PICALM: variants seen among roughly 807,000 people sequenced by gnomAD.
PICALM encodes phosphatidylinositol-binding clathrin assembly protein.
Under a neutral mutation model 80.5 loss-of-function variants are expected in PICALM, and 40 were observed. That is an observed-to-expected ratio of 0.50 (90% CI 0.39 to 0.65). The LOEUF is 0.65. Among genes scored for constraint, PICALM ranks in the 30% least tolerant of loss-of-function variants. The probability of loss-of-function intolerance (pLI) is 0.00; values close to 1 mark genes in which losing one functional copy is unlikely to be tolerated. For missense variants in PICALM, 676 were observed against 778.9 expected (o/e 0.87, Z 1.57); for synonymous variants, 288 against 260.3 (o/e 1.11, Z -1.02).
chr11:86,033,247 T>C (rs1488085459), intron 1 of PICALM, among the ~76,000 whole-genome samples: 3 of 150,310 alleles, frequency 2.0e-5, no homozygotes, highest in Non-Finnish European at 4.4e-5. Flanking sequence ...CACAATTTAA[T>C]ACTATATAGT....
chr11:85,990,008 C>CAAA (rs5793177), intron 13 of PICALM, among the ~76,000 whole-genome samples: 2,499 of 89,148 alleles, frequency 0.028, 96 homozygotes, highest in African/African-American at 0.059. Context: ...AACCAAACAC[C>CAAA]AAAAAAAAAA....
chr11:86,006,546 C>CT lies in PICALM; in HGVS notation c.807+995dup, dbSNP rs2095280900. On this transcript the variant is annotated intron_variant, in intron 8 of 19. Coordinates refer to ENST00000393346, the MANE Select transcript of PICALM (RefSeq NM_007166.4). ...CCTGTAATCCCAGCTACTTGGGAGG[C>CT]TGAGGTGGGAGAATCGCTTGAACCC... Among the ~76,000 whole-genome samples the CT allele has an allele frequency of 7.2e-5, 11 of 152,228 alleles. No individual in the cohort carries two copies. The South Asian group carries it at 2.3e-3, about 32-fold the overall frequency.
At chr11:86,023,038 A>G (rs1057488055) in intron 3 of PICALM, among the ~76,000 whole-genome samples, 1 of 152,188 alleles carries the variant, frequency 6.6e-6, no homozygotes, top group Admixed American at 6.5e-5. Flanking sequence ...TGAATACATA[A>G]ATCATTCTAA....
chr11:85,997,273 T>C (rs1300027040), intron 11 of PICALM, among the ~76,000 whole-genome samples: 1 of 152,212 alleles, frequency 6.6e-6, no homozygotes, highest in African/African-American at 2.4e-5. Context: ...TTAATATTTT[T>C]AATAAAACTC....
intron 1 of PICALM, among the ~76,000 whole-genome samples, chr11:86,055,318 A>C (rs1280465788): frequency 6.7e-6 from 1 of 150,270 alleles, no homozygotes; most frequent in Non-Finnish European, 1.5e-5. Context: ...CAAGAGCAAA[A>C]CTCCGTCTCA....
At chr11:86,038,251 C>A (rs2095877772) in intron 1 of PICALM, among the ~76,000 whole-genome samples, 1 of 151,696 alleles carries the variant, frequency 6.6e-6, no homozygotes, top group Admixed American at 6.6e-5. Flanking sequence ...ACCCAGGAGG[C>A]GGAGGTAAAA....
At chr11:85,982,213 T>C (rs1592525065) in intron 14 of PICALM, 1 of 505,330 alleles carries the variant, frequency 2.0e-6, no homozygotes, top group East Asian at 3.5e-5. Context: ...TTGACAGAAA[T>C]CATCTCTTAT....
intron 12 of PICALM, among the ~76,000 whole-genome samples, chr11:85,993,331 C>T (rs1451286631): frequency 6.6e-6 from 1 of 152,146 alleles, no homozygotes; most frequent in African/African-American, 2.4e-5. Flanking sequence ...AAATAATCTG[C>T]CTGTCTCAGC....
At chr11:85,969,771 A>G in intron 19 of PICALM, 4 of 242,136 alleles carry the variant, frequency 1.7e-5, no homozygotes, top group Non-Finnish European at 3.4e-5. Flanking sequence ...CTCCTACCTC[A>G]GCCTCCCAAA....
At chr11:86,011,970 C>A (rs2095406121) in intron 6 of PICALM, among the ~76,000 whole-genome samples, 1 of 151,530 alleles carries the variant, frequency 6.6e-6, no homozygotes, top group South Asian at 2.1e-4. Context: ...CCTGCCTCAG[C>A]CTAAAACTTA....
intron 1 of PICALM, among the ~76,000 whole-genome samples, chr11:86,060,914 C>T (rs76775184): frequency 0.034 from 5,239 of 152,104 alleles, 144 homozygotes; most frequent in Non-Finnish European, 0.051. Flanking sequence ...GAAGGCATGA[C>T]CCATGAAAGA....
At chr11:86,018,859 A>C (rs1592978774) in intron 4 of PICALM, among the ~76,000 whole-genome samples, 1 of 151,286 alleles carries the variant, frequency 6.6e-6, no homozygotes. Context: ...ACTGCACCCC[A>C]GCCTGGGTGA....
intron 18 of PICALM, 31 bp from the exon 19 acceptor site, chr11:85,974,843 G>A: frequency 1.5e-6 from 2 of 1,361,604 alleles, no homozygotes; most frequent in Non-Finnish European, 2.1e-6. Flanking sequence ...AAAAGATACT[G>A]ACTCCTATCT....
chr11:86,003,501 A>T, intron 8 of PICALM, 50 bp from the exon 9 acceptor site: 2 of 1,152,060 alleles, frequency 1.7e-6, no homozygotes, highest in Non-Finnish European at 2.5e-6. Context: ...GCCACTGGTC[A>T]AATTAAATCA....
intron 13 of PICALM, among the ~76,000 whole-genome samples, chr11:85,988,593 T>G (rs2094655754): frequency 1.4e-5 from 2 of 139,188 alleles, no homozygotes; most frequent in Non-Finnish European, 3.1e-5. Context: ...AGGAAAGGAG[T>G]AAGGAAAGGG....
At chr11:86,054,112 C>T (rs1315059455) in intron 1 of PICALM, among the ~76,000 whole-genome samples, 1 of 152,152 alleles carries the variant, frequency 6.6e-6, no homozygotes, top group Non-Finnish European at 1.5e-5. Flanking sequence ...CCCACAAAAG[C>T]CATGAGTTCA....
chr11:86,031,348 T>C (rs2095748365), intron 2 of PICALM, 121 bp downstream of exon 2: 2 of 694,208 alleles, frequency 2.9e-6, no homozygotes, highest in Non-Finnish European at 4.6e-6. Context: ...TCTATAATTA[T>C]ATTTCTGGCT....
At chr11:86,051,504 T>C (rs527382510) in intron 1 of PICALM, among the ~76,000 whole-genome samples, 13 of 152,106 alleles carry the variant, frequency 8.5e-5, no homozygotes, top group Middle Eastern at 3.4e-3. Context: ...CTACTAAAAA[T>C]ACAAAAATTA....
At chr11:85,978,322 TTTA>T in intron 17 of PICALM, 2 of 393,860 alleles carry the variant, frequency 5.1e-6, no homozygotes, top group South Asian at 7.5e-5. Flanking sequence ...TAAAAAATAG[TTTA>T]TTGATTACAA....
Sources: allele counts gnomAD v4.1 joint callset (sites outside exome capture counted in the v4.1 genomes callset), GRCh38; gene constraint gnomAD v4.1.1; transcripts MANE v1.5; gene names NCBI Gene and HGNC (gene_info 2026-07-23, HGNC 2026-07-21).